ST6GALNAC3: variants seen among roughly 807,000 people sequenced by gnomAD.
The protein encoded by ST6GALNAC3 is alpha-N-acetylgalactosaminide alpha-2,6-sialyltransferase 3.
A neutral mutation model predicts 32.7 loss-of-function variants in ST6GALNAC3; 25 were observed. The ratio of observed to expected loss-of-function variants is 0.76; its 90% confidence interval spans 0.56 to 1.07. The LOEUF (loss-of-function observed/expected upper bound fraction) is 1.07, where lower values mean the gene tolerates loss of function less well. ST6GALNAC3 is among the 50% of genes least tolerant of loss of function. ST6GALNAC3 has a pLI of 0.00. For missense variants in ST6GALNAC3, 355 were observed against 382.4 expected (o/e 0.93, Z 0.60); for synonymous variants, 129 against 133.1 (o/e 0.97, Z 0.21).
At chr1:76,205,956 A>G (rs1026167710) in intron 1 of ST6GALNAC3, among the ~76,000 whole-genome samples, 2 of 152,160 alleles carry the variant, frequency 1.3e-5, no homozygotes, top group South Asian at 2.1e-4. Context: ...TATCCTCCCA[A>G]TTTGGTTCTT....
At chr1:76,384,148 A>G (rs1306091066) in intron 2 of ST6GALNAC3, among the ~76,000 whole-genome samples, 1 of 152,192 alleles carries the variant, frequency 6.6e-6, no homozygotes, top group Non-Finnish European at 1.5e-5. Flanking sequence ...ATAAAGAGAC[A>G]TACTCTTAAA....
Position 76,244,576 on chromosome 1 carries a change from T to C in ST6GALNAC3, c.19-69229T>C, listed in dbSNP as rs183752234. ...TTTTGTCCATTCAGTATGATATTGG[T>C]TATGGATTTGTTATAAATAGCTTTT... On this transcript the variant is annotated intron_variant, in intron 1 of 4. Transcript: ENST00000328299. Among the ~76,000 whole-genome samples the C allele has an allele frequency of 2.0e-5, 3 of 152,196 alleles. No homozygotes were observed. The East Asian group carries it at 5.8e-4, about 29-fold the overall frequency.
chr1:76,302,462 G>C (rs1443655135), intron 1 of ST6GALNAC3, among the ~76,000 whole-genome samples: 1 of 151,986 alleles, frequency 6.6e-6, no homozygotes, highest in Non-Finnish European at 1.5e-5. Flanking sequence ...GGGAATAGCT[G>C]TTTGGTGTTT....
At chr1:76,208,330 C>T (rs1038989831) in intron 1 of ST6GALNAC3, among the ~76,000 whole-genome samples, 1 of 152,228 alleles carries the variant, frequency 6.6e-6, no homozygotes, top group Non-Finnish European at 1.5e-5. Context: ...GATGAGATGT[C>T]ACACAAATTT....
At chr1:76,140,629 CTTT>C (rs55680590) in intron 1 of ST6GALNAC3, among the ~76,000 whole-genome samples, 18 of 119,238 alleles carry the variant, frequency 1.5e-4, no homozygotes, top group Non-Finnish European at 1.8e-4. Context: ...TTCTTTCTTT[CTTT>C]TTTTTTTTTT....
At position 76,082,101 on chromosome 1, in the gene ST6GALNAC3, G is replaced by A. The variant is rs544082411; in HGVS notation, c.18+7217G>A. 2.0e-5 allele frequency among the ~76,000 whole-genome samples: 3 copies of A among 152,344 alleles called. No homozygotes were observed. In the East Asian group the frequency reaches 5.8e-4, roughly 29 times the overall value. On this transcript the variant is annotated intron_variant, in intron 1 of 4. Coordinates refer to ENST00000328299, the MANE Select transcript of ST6GALNAC3 (RefSeq NM_152996.4). ...ATTAAGCTTTCTAGTAAACGACTGA[G>A]CGAAGTTATGAAAGCTTCTCCCCAG...
intron 2 of ST6GALNAC3, among the ~76,000 whole-genome samples, chr1:76,328,821 GC>G (rs1395473025): frequency 6.6e-6 from 1 of 152,152 alleles, no homozygotes; most frequent in Non-Finnish European, 1.5e-5. Context: ...GTGCCAAATA[GC>G]CCTTGTGTTT....
intron 3 of ST6GALNAC3, among the ~76,000 whole-genome samples, chr1:76,531,710 T>G (rs1663268996): frequency 6.6e-6 from 1 of 152,132 alleles, no homozygotes; most frequent in Non-Finnish European, 1.5e-5. Flanking sequence ...ATGTAATTGA[T>G]AAAATAGACT....
intron 2 of ST6GALNAC3, among the ~76,000 whole-genome samples, chr1:76,390,946 A>ATTTTTTTTTTTTTTTTTTT (rs58114434): frequency 5.6e-4 from 68 of 120,978 alleles, no homozygotes; most frequent in South Asian, 8.6e-4. Flanking sequence ...ATATATATGT[A>ATTTTTTTTTTTTTTTTTTT]TTTTTTTTTT....
chr1:76,160,444 C>T (rs112361403), intron 1 of ST6GALNAC3, among the ~76,000 whole-genome samples: 9 of 152,230 alleles, frequency 5.9e-5, no homozygotes, highest in African/African-American at 1.4e-4. Flanking sequence ...GATCATGCAT[C>T]GGCTTTGGGA....
intron 1 of ST6GALNAC3, among the ~76,000 whole-genome samples, chr1:76,218,992 T>C (rs578080533): frequency 1.3e-5 from 2 of 152,334 alleles, no homozygotes; most frequent in South Asian, 4.1e-4. Context: ...ATTATCCCCA[T>C]TTTATGGCTA....
At chr1:76,521,184 T>C (rs1449219489) in intron 3 of ST6GALNAC3, among the ~76,000 whole-genome samples, 1 of 152,114 alleles carries the variant, frequency 6.6e-6, no homozygotes, top group Non-Finnish European at 1.5e-5. Context: ...CACTTTAACT[T>C]CATTTATCCC....
chr1:76,576,136 C>G (rs1646802984), intron 3 of ST6GALNAC3, among the ~76,000 whole-genome samples: 1 of 152,012 alleles, frequency 6.6e-6, no homozygotes, highest in African/African-American at 2.4e-5. Context: ...TTAGGCAACT[C>G]TGCTCGAAAA....
chr1:76,144,961 A>C (rs182702174), intron 1 of ST6GALNAC3, among the ~76,000 whole-genome samples: 2 of 152,242 alleles, frequency 1.3e-5, no homozygotes, highest in African/African-American at 2.4e-5. Context: ...TCATTCCTTT[A>C]CTGAAAATAA....
chr1:76,471,948 T>C (rs762082711), intron 3 of ST6GALNAC3, among the ~76,000 whole-genome samples: 1 of 152,112 alleles, frequency 6.6e-6, no homozygotes, highest in Admixed American at 6.6e-5. Flanking sequence ...TACTGGGTTT[T>C]ATAAAGTGCT....
chr1:76,436,448 T>A (rs940475317), intron 3 of ST6GALNAC3, among the ~76,000 whole-genome samples: 1 of 152,148 alleles, frequency 6.6e-6, no homozygotes, highest in Non-Finnish European at 1.5e-5. Flanking sequence ...TCAGGATTTT[T>A]TAATTTAATG....
intron 2 of ST6GALNAC3, among the ~76,000 whole-genome samples, chr1:76,359,519 C>A (rs1396455358): frequency 6.6e-6 from 1 of 152,122 alleles, no homozygotes; most frequent in Non-Finnish European, 1.5e-5. Context: ...AGCAGAGAGG[C>A]CTGGAATAGA....
chr1:76,318,432 G>A (rs955452153), intron 2 of ST6GALNAC3, among the ~76,000 whole-genome samples: 4 of 152,120 alleles, frequency 2.6e-5, no homozygotes, highest in African/African-American at 9.7e-5. Flanking sequence ...AACTGGGTGA[G>A]TGCTGAAATT....
At chr1:76,425,896 A>C (rs1007909365) in intron 3 of ST6GALNAC3, among the ~76,000 whole-genome samples, 10 of 151,990 alleles carry the variant, frequency 6.6e-5, no homozygotes, top group Non-Finnish European at 4.4e-5. Context: ...TTAAGAAATC[A>C]AGACCATGTG....
Sources: gnomAD v4.1 joint callset for allele counts (sites outside exome capture counted in the v4.1 genomes callset) on GRCh38, gnomAD v4.1.1 for gene constraint, MANE v1.5 for transcripts, NCBI Gene and HGNC (gene_info 2026-07-23, HGNC 2026-07-21) for gene names.